OPN4: variants seen among roughly 807,000 people sequenced by gnomAD.
The protein encoded by OPN4 is melanopsin.
Under a neutral mutation model 49.5 loss-of-function variants are expected in OPN4, and 43 were observed. The ratio of observed to expected loss-of-function variants is 0.87; its 90% CI spans 0.68 to 1.12. OPN4 has a LOEUF of 1.12. OPN4 is among the 50% of genes most tolerant of loss of function. The pLI is 0.00. For synonymous variants in OPN4, 263 were observed against 258.0 expected (o/e 1.02, Z -0.19); for missense variants, 657 against 643.9 (o/e 1.02, Z -0.22).
chr10:86,657,887 C>T (rs1026152259), intron 2 of OPN4, 145 bp from the exon 3 acceptor site: 3 of 824,078 alleles, frequency 3.6e-6, no homozygotes, highest in Non-Finnish European at 5.7e-6. Flanking sequence ...GGCCCGGCAG[C>T]TCGTGCCTGT....
chr10:86,665,850 T>A lies in OPN4; in HGVS notation c.*99T>A. 1.0e-6 allele frequency: 1 copy of A among 997,164 alleles called. No homozygotes were observed. The highest frequency in any genetic ancestry group is 1.5e-6 in the Non-Finnish European group (1 of 645,950). The allele number at this position is 997,164 out of a possible 1,614,324, so 61.8% of individuals were successfully genotyped here. A position where few individuals can be genotyped will look rare whatever the true frequency, so the allele number is the denominator to read the frequency against. ...GGATTATGCTGTGAGCCTGCAGGCT[T>A]TGGAAGTGGCCCTGTCACCCGTGCT... On this transcript the variant is annotated 3_prime_UTR_variant, in exon 10 of 10. Coordinates refer to ENST00000241891, the MANE Select transcript of OPN4 (RefSeq NM_033282.4).
chr10:86,661,964 G>A (rs546019152), intron 7 of OPN4, among the ~76,000 whole-genome samples: 23 of 152,062 alleles, frequency 1.5e-4, no homozygotes, highest in Non-Finnish European at 2.6e-4. Flanking sequence ...GATGTGGCTT[G>A]AGCCAGCCAC....
chr10:86,656,403 A>G (rs1843866227), intron 2 of OPN4, 103 bp downstream of exon 2: 1 of 1,393,926 alleles, frequency 7.2e-7, no homozygotes, highest in African/African-American at 1.4e-5. Context: ...TGGCCAGGGC[A>G]CTGTTGAGGC....
At position 86,661,172 on chromosome 10, in the gene OPN4, G is replaced by C. The variant is rs1843995601; in HGVS notation, c.966-109G>C. ...TCCTCCCTATGGGGCTGACTTAGCT[G>C]TGCTGGTTTGGGCTGGATTAGGATT... On this transcript the variant is annotated intron_variant, in intron 6 of 9. Coordinates refer to ENST00000241891, the MANE Select transcript of OPN4 (RefSeq NM_033282.4). 8.2e-6 allele frequency: 7 copies of C among 856,186 alleles called. No individual in the cohort carries two copies. In the South Asian group the frequency reaches 8.3e-5, roughly 10 times the overall value. The allele number at this position is 856,186 out of a possible 1,614,324, so 53.0% of individuals were successfully genotyped here.
intron 7 of OPN4, among the ~76,000 whole-genome samples, 182 bp from the exon 8 acceptor site, chr10:86,662,070 C>A (rs938179161): frequency 6.6e-6 from 1 of 152,102 alleles, no homozygotes; most frequent in Admixed American, 6.5e-5. Flanking sequence ...TCTCAATCTC[C>A]CCACCCAGCA....
rs137859210 is a variant in OPN4, at chr10:86,656,174, C to T, written c.164C>T (p.Ala55Val). 3.1e-4 allele frequency: 506 copies of T among 1,614,208 alleles called. 1 individual carries two copies. Among genetic ancestry groups the T allele is most frequent in the Non-Finnish European group, 3.9e-4 (465 of 1,180,026 alleles). Residue 55 changes from alanine (A) to valine (V), a missense_variant, in exon 2 of 10, where the codon GCT becomes GTT. Ala to Val is a moderately conservative substitution (Grantham distance 64). Transcript: ENST00000241891. ...ISPTAPGTWA[A>V]AWVPLPTVDV... ...CCGCAGGCACCTGGGACTTGGGCTG[C>T]TGCCTGGGTCCCCCTCCCCACGGTT...
rs1043908646 is a variant in OPN4, at chr10:86,663,605, G to A, written c.1255-54G>A. The A allele has an allele frequency of 2.8e-6, 4 of 1,440,228 alleles. No homozygotes were observed. The South Asian group carries it at 4.8e-5, about 17-fold the overall frequency. The allele number at this position is 1,440,228 out of a possible 1,614,324, so 89.2% of individuals were successfully genotyped here. A position where few individuals can be genotyped will look rare whatever the true frequency, so the allele number is the denominator to read the frequency against. On this transcript the variant is annotated intron_variant, in intron 8 of 9. Coordinates refer to ENST00000241891, the MANE Select transcript of OPN4 (RefSeq NM_033282.4). Reference sequence around the variant, plus strand: ...AGGGCCTGGTGGGGTAAGGGCAGGAGCAAAGCTACGGACTGTCCCTCTCAC... The same window carrying A: ...AGGGCCTGGTGGGGTAAGGGCAGGAACAAAGCTACGGACTGTCCCTCTCAC...
chr10:86,654,837 C>A lies in OPN4; in HGVS notation c.54C>A (p.Ser18Arg). ...RVPPSPTQEPSCMATPAPPSW... is the reference protein window; with the variant it reads ...RVPPSPTQEPRCMATPAPPSW... ...CGCCCAGCCCAACCCAAGAGCCCAGCTGCATGGCCACCCCAGCACCACCCA... is the reference window on the plus strand; with the variant it reads ...CGCCCAGCCCAACCCAAGAGCCCAGATGCATGGCCACCCCAGCACCACCCA... Residue 18 changes from serine (S) to arginine (R), a missense_variant, in exon 1 of 10, where the codon AGC becomes AGA. Physicochemically the swap from Ser to Arg is moderately radical, Grantham distance 110. Transcript: ENST00000241891. 6.2e-7 allele frequency: 1 copy of A among 1,613,582 alleles called. No individual in the cohort carries two copies. The highest frequency in any genetic ancestry group is 8.5e-7 in the Non-Finnish European group (1 of 1,179,662).
chr10:86,660,162 C>T (rs962537534), intron 6 of OPN4, 103 bp downstream of exon 6: 1 of 1,307,730 alleles, frequency 7.6e-7, no homozygotes, highest in Non-Finnish European at 1.1e-6. Flanking sequence ...GCCAGCCATC[C>T]TCGCACCCTA....
chr10:86,656,613 C>T (rs115017529), intron 2 of OPN4, among the ~76,000 whole-genome samples: 2,003 of 152,212 alleles, frequency 0.013, 36 homozygotes, highest in African/African-American at 0.045. Flanking sequence ...CGCACCTCTC[C>T]GTCACCTGCC....
At chr10:86,662,218 C>A (rs36066030) in intron 7 of OPN4, 34 bp from the exon 8 acceptor site, 11 of 1,591,184 alleles carry the variant, frequency 6.9e-6, no homozygotes, top group Non-Finnish European at 8.6e-6. Context: ...GTCTGCCCAT[C>A]CCCTGGCCCT....
Position 86,658,622 on chromosome 10 carries a change from C to T in OPN4, c.563C>T (p.Ala188Val), listed in dbSNP as rs772826644. The T allele has an allele frequency of 1.9e-6, 3 of 1,614,148 alleles. No homozygotes were observed. The South Asian group carries it at 3.3e-5, about 18-fold the overall frequency. The change falls in exon 4 of 10, where the codon GCA becomes GTA. Residue 188 changes from alanine to valine, a missense_variant. Physicochemically the swap from Ala to Val is moderately conservative, Grantham distance 64. Coordinates refer to ENST00000241891, the MANE Select transcript of OPN4 (RefSeq NM_033282.4). ...GGTGTGGCGTCCAAGAGGCGTGCGG[C>T]ATTTGTCCTGCTGGGCGTTTGGCTC... ...TFGVASKRRA[A>V]FVLLGVWLYA...
At chr10:86,664,319 G>A (rs1419450629) in intron 9 of OPN4, among the ~76,000 whole-genome samples, 1 of 152,162 alleles carries the variant, frequency 6.6e-6, no homozygotes, top group East Asian at 1.9e-4. Flanking sequence ...CTGCGAGGTT[G>A]GACATACCTG....
chr10:86,655,834 T>G (rs1843848816), intron 1 of OPN4, among the ~76,000 whole-genome samples: 1 of 152,058 alleles, frequency 6.6e-6, no homozygotes. Flanking sequence ...GTCTTCTCCC[T>G]AAGGAAAGAT....
rs552178711 is a variant in OPN4 at position 86,665,181 on chromosome 10, G to A, written c.1399-532G>A. Among the ~76,000 whole-genome samples the A allele has an allele frequency of 2.0e-5, 3 of 152,214 alleles. No individual in the cohort carries two copies. In the South Asian group the frequency reaches 6.2e-4, roughly 32 times the overall value. ...CCTGGGAGCAGCCAGAGGGACCCTG[G>A]GGATTGGCAGTGGGGGACATAGGAG... On this transcript the variant is annotated intron_variant, in intron 9 of 9. Coordinates refer to ENST00000241891, the MANE Select transcript of OPN4 (RefSeq NM_033282.4).
rs1589588674 is a variant in OPN4, at chr10:86,659,968, T to G, written c.874T>G (p.Cys292Gly). The G allele has an allele frequency of 6.2e-7, 1 of 1,614,112 alleles. No homozygotes were observed. ...LWQRQRLQSE[C>G]KMAKIMLLVI... ...GCAGCGGCAGCGGCTGCAGAGCGAG[T>G]GCAAGATGGCCAAGATCATGCTGCT... The change falls in exon 6 of 10, where the codon TGC becomes GGC. Residue 292 changes from cysteine (C) to glycine (G), a missense_variant. Coordinates refer to ENST00000241891, the MANE Select transcript of OPN4 (RefSeq NM_033282.4).
At chr10:86,662,471 T>A in intron 8 of OPN4, 39 bp downstream of exon 8, 1 of 1,526,740 alleles carries the variant, frequency 6.5e-7, no homozygotes, top group South Asian at 1.2e-5. Flanking sequence ...CGCCTGGCCA[T>A]CCCTTCCTCA....
Position 86,665,722 on chromosome 10 carries a change from C to A in OPN4, c.1408C>A (p.Leu470Met). The change falls in exon 10 of 10, where the codon CTG becomes ATG. Residue 470 changes from leucine to methionine, a missense_variant. Leu to Met is a conservative substitution (Grantham distance 15). Transcript: ENST00000241891. Reference protein sequence around the residue: ...EAETPGKTKGLIPSQDPRM With the variant: ...EAETPGKTKGMIPSQDPRM ...TGCTGTTTGTTTGCAGACCAAGGGG[C>A]TGATCCCCAGCCAGGACCCCAGGAT... 1.9e-6 allele frequency: 3 copies of A among 1,613,618 alleles called. No individual in the cohort carries two copies.
Position 86,665,896 on chromosome 10 carries a change from G to A in OPN4, c.*145G>A. ...GTGCTGCACGGGATTCACAGCCCCA[G>A]CCCCATGGCCCCTCTCCACACCTCA... On this transcript the variant is annotated 3_prime_UTR_variant, in exon 10 of 10. Coordinates refer to ENST00000241891, the MANE Select transcript of OPN4 (RefSeq NM_033282.4). The A allele has an allele frequency of 1.5e-6, 1 of 654,212 alleles. No homozygotes were observed. Among genetic ancestry groups the A allele is most frequent in the South Asian group, 1.8e-5 (1 of 54,938 alleles). The allele number at this position is 654,212 out of a possible 1,614,324, so 40.5% of individuals were successfully genotyped here. A position where few individuals can be genotyped will look rare whatever the true frequency, so the allele number is the denominator to read the frequency against.
Sources: gnomAD v4.1 joint callset for allele counts (sites outside exome capture counted in the v4.1 genomes callset) on GRCh38, gnomAD v4.1.1 for gene constraint, MANE v1.5 for transcripts, NCBI Gene and HGNC (gene_info 2026-07-23, HGNC 2026-07-21) for gene names.